Variants in LOXHD1 observed in about 807,000 individuals in gnomAD.
LOXHD1 encodes the protein lipoxygenase homology PLAT domains 1.
A neutral mutation model predicts 248.2 loss-of-function variants in LOXHD1; 205 were observed. The ratio of observed to expected loss-of-function variants is 0.83; its 90% CI spans 0.74 to 0.93. The LOEUF is 0.93. Among genes scored for constraint, LOXHD1 ranks in the 40% least tolerant of loss-of-function variants. The pLI, the probability that LOXHD1 is intolerant of heterozygous loss-of-function variation, is 0.00. For synonymous variants in LOXHD1, 1,113 were observed against 1,162.8 expected (o/e 0.96, Z 0.87); for missense variants, 2,930 against 2,971.6 (o/e 0.99, Z 0.33).
intron 5 of LOXHD1, among the ~76,000 whole-genome samples, chr18:46,616,998 T>C (rs1398588828): frequency 6.6e-6 from 1 of 152,250 alleles, no homozygotes; most frequent in African/African-American, 2.4e-5. Flanking sequence ...AATTATATAT[T>C]TGAGTGTTTT....
chr18:46,518,381 C>A, intron 33 of LOXHD1, 125 bp from the exon 34 acceptor site: 19 of 1,174,812 alleles, frequency 1.6e-5, no homozygotes, highest in Non-Finnish European at 2.3e-5. Context: ...AGAGCCCTTC[C>A]TCAAATCAAC....
chr18:46,486,623 T>C (rs1272429727), intron 38 of LOXHD1, among the ~76,000 whole-genome samples: 2 of 152,148 alleles, frequency 1.3e-5, no homozygotes, highest in East Asian at 1.9e-4. Context: ...TGGTCTATTC[T>C]GCAAACAGGT....
intron 14 of LOXHD1, among the ~76,000 whole-genome samples, chr18:46,572,384 C>T (rs2037770058): frequency 6.6e-6 from 1 of 152,154 alleles, no homozygotes; most frequent in South Asian, 2.1e-4. Context: ...GGGCAGGGAA[C>T]TCCTTGGGGA....
intron 6 of LOXHD1, among the ~76,000 whole-genome samples, chr18:46,606,400 T>G (rs1262713647): frequency 6.6e-6 from 1 of 151,820 alleles, no homozygotes; most frequent in Non-Finnish European, 1.5e-5. Flanking sequence ...AAATCCAAAA[T>G]GCTCCAAAGT....
chr18:46,539,940 G>A (rs1251302305), intron 25 of LOXHD1, among the ~76,000 whole-genome samples: 5 of 152,172 alleles, frequency 3.3e-5, no homozygotes, highest in East Asian at 1.9e-4. Context: ...AGATGAAGAC[G>A]TTGCTTTCAT....
intron 26 of LOXHD1, among the ~76,000 whole-genome samples, chr18:46,535,685 CT>C (rs2036280558): frequency 6.6e-6 from 1 of 152,166 alleles, no homozygotes; most frequent in Non-Finnish European, 1.5e-5. Flanking sequence ...TCTCTCCTGC[CT>C]CAGCCCCTGG....
chr18:46,532,909 G>C (rs2036137587), intron 28 of LOXHD1, among the ~76,000 whole-genome samples: 1 of 152,208 alleles, frequency 6.6e-6, no homozygotes, highest in African/African-American at 2.4e-5. Context: ...TGTCAGACCA[G>C]GGAAGAATTT....
At chr18:46,630,312 C>T (rs2038803785) in intron 4 of LOXHD1, among the ~76,000 whole-genome samples, 1 of 152,142 alleles carries the variant, frequency 6.6e-6, no homozygotes, top group Admixed American at 6.6e-5. Context: ...GGTGTGGGCT[C>T]AATATTAATC....
Position 46,639,783 on chromosome 18 carries a change from G to A in LOXHD1, c.344C>T (p.Thr115Met), listed in dbSNP as rs977671032. The change falls in exon 4 of 41, where the codon ACG (threonine) becomes ATG (methionine). Residue 115 changes from threonine (T) to methionine (M), a missense_variant. By Grantham distance (81) the Thr-to-Met change is moderately conservative (BLOSUM62 -1). Coordinates refer to ENST00000642948, the MANE Select transcript of LOXHD1 (RefSeq NM_001384474.1). The stretch of plus-strand genomic sequence containing the variant: ...CAGGTACCAGCTGGCATTCAAGCCC[G>A]TGTTGTCATGCTCAATCCTGAGGCA... ...IYKVRIEHDN[T>M]GLNASWYLDH... 18 of 1,551,708 alleles carry A rather than the reference G, an allele frequency of 1.2e-5. No homozygotes were observed. The highest frequency in any genetic ancestry group is 2.4e-5 in the East Asian group (1 of 40,922).
In LOXHD1 at chr18:46,488,960, T is replaced by C. The variant is rs1268503319; in HGVS notation, c.6049+12A>G. 5.2e-6 allele frequency: 8 copies of C among 1,546,414 alleles called. No individual in the cohort carries two copies. Among genetic ancestry groups the C allele is most frequent in the Non-Finnish European group, 6.1e-6 (7 of 1,142,596 alleles). On this transcript the variant is annotated intron_variant, in intron 38 of 40. Coordinates refer to ENST00000642948, the MANE Select transcript of LOXHD1 (RefSeq NM_001384474.1). ...CTGCCTCCCTCCTGAGCCAATGATC[T>C]CCCCCACATACTGGTCTCTTCCAGC...
At chr18:46,493,856 T>C (rs1356784526) in intron 37 of LOXHD1, among the ~76,000 whole-genome samples, 1 of 152,156 alleles carries the variant, frequency 6.6e-6, no homozygotes, top group Non-Finnish European at 1.5e-5. Flanking sequence ...CCCAACTCTG[T>C]GTTTACATAT....
intron 14 of LOXHD1, among the ~76,000 whole-genome samples, chr18:46,572,373 A>C (rs2037769611): frequency 6.6e-6 from 1 of 152,160 alleles, no homozygotes; most frequent in Admixed American, 6.5e-5. Context: ...GATTGGAAGG[A>C]GGGCAGGGAA....
rs745402795 is a variant in LOXHD1 at position 46,485,141 on chromosome 18, G to T, written c.6060C>A (p.Ile2020=). 1.3e-6 allele frequency: 2 copies of T among 1,549,578 alleles called. No homozygotes were observed. The highest frequency in any genetic ancestry group is 1.7e-6 in the Non-Finnish European group (2 of 1,146,384). ...CGCCTCCGTTGCCCGTTTCTATGAC[G>T]ATCTCGTAGGCTGTAATGGAGGAGG... is the stretch of plus-strand genomic sequence containing the variant. ...CDELEETTYE[I]VIETGNGGET... is the part of the protein sequence containing the mutation. The change falls in exon 39 of 41, where the codon ATC becomes ATA. Residue 2020 remains isoleucine, a synonymous_variant. Transcript: ENST00000642948.
rs527361037 is a variant in LOXHD1, at chr18:46,538,081, G to T, written c.4095+75C>A. The stretch of plus-strand genomic sequence containing the variant: ...CATCAGGATGAAGGGCATGTGTTCT[G>T]CCCTGAAGGTAGGGCTTCTCCTCTC... On this transcript the variant is annotated intron_variant, in intron 26 of 40. Transcript: ENST00000642948. 1.4e-5 allele frequency: 19 copies of T among 1,343,546 alleles called. No homozygotes were observed. The South Asian group carries it at 2.0e-4, about 14-fold the overall frequency. The allele number at this position is 1,343,546 out of a possible 1,614,324, so 83.2% of individuals were successfully genotyped here. A position where few individuals can be genotyped will look rare whatever the true frequency, so the allele number is the denominator to read the frequency against.
chr18:46,504,806 G>A (rs2034458192), intron 37 of LOXHD1, among the ~76,000 whole-genome samples: 1 of 152,236 alleles, frequency 6.6e-6, no homozygotes, highest in African/African-American at 2.4e-5. Context: ...GGGAGACCCA[G>A]CAAAGGCTAG....
chr18:46,481,040 T>C (rs1306293907), intron 40 of LOXHD1, among the ~76,000 whole-genome samples: 1 of 152,144 alleles, frequency 6.6e-6, no homozygotes, highest in Admixed American at 6.5e-5. Flanking sequence ...AGAATGGAAA[T>C]AGCTGTGAGA....
chr18:46,569,561 A>G lies in LOXHD1; in HGVS notation c.2125T>C (p.Tyr709His). The G allele has an allele frequency of 6.4e-7, 1 of 1,551,834 alleles. No homozygotes were observed. Among genetic ancestry groups the G allele is most frequent in the Non-Finnish European group, 8.7e-7 (1 of 1,147,012 alleles). Residue 709 changes from tyrosine (Y) to histidine (H), a missense_variant, in exon 16 of 41, where the codon TAT becomes CAT. Coordinates refer to ENST00000642948, the MANE Select transcript of LOXHD1 (RefSeq NM_001384474.1). Reference protein sequence around the residue: ...STDSRVYIKLYGDKSDTIKQV... With the variant: ...STDSRVYIKLHGDKSDTIKQV... ...TTGATGGTGTCAGATTTATCCCCAT[A>G]GAGCTTGATGTAGACTCTAGAATCC...
intron 21 of LOXHD1, chr18:46,556,819 C>T: frequency 5.0e-6 from 1 of 201,956 alleles, no homozygotes; most frequent in Non-Finnish European, 9.9e-6. Context: ...CTCACACACA[C>T]CCACCCTCAT....
At chr18:46,640,228 A>G (rs778529105) in intron 3 of LOXHD1, among the ~76,000 whole-genome samples, 25 of 152,224 alleles carry the variant, frequency 1.6e-4, no homozygotes, top group African/African-American at 6.0e-4. Flanking sequence ...CAAACAGGAC[A>G]GTAAAGGGAA....
Sources: allele counts gnomAD v4.1 joint callset (sites outside exome capture counted in the v4.1 genomes callset), GRCh38; gene constraint gnomAD v4.1.1; transcripts MANE v1.5; gene names NCBI Gene and HGNC (gene_info 2026-07-23, HGNC 2026-07-21).